Variants in PIK3CB observed in about 807,000 individuals in gnomAD.
The protein encoded by PIK3CB is phosphatidylinositol 4,5-bisphosphate 3-kinase catalytic subunit beta isoform.
A neutral mutation model predicts 136.8 loss-of-function variants in PIK3CB; 39 were observed. That is an observed-to-expected ratio of 0.29 (90% CI 0.22 to 0.37). The LOEUF (loss-of-function observed/expected upper bound fraction) is 0.37, where lower values mean the gene tolerates loss of function less well. Among genes scored for constraint, PIK3CB ranks in the 10% least tolerant of loss-of-function variants. The probability of loss-of-function intolerance (pLI) is 1.00; values close to 1 mark genes in which losing one functional copy is unlikely to be tolerated. For synonymous variants in PIK3CB, 428 were observed against 436.6 expected, an observed-to-expected ratio of 0.98 and a Z score of 0.25; for missense variants, 868 against 1,275.4, an observed-to-expected ratio of 0.68 and a Z score of 4.87.
chr3:138,737,102 G>A (rs749585678), intron 6 of PIK3CB, among the ~76,000 whole-genome samples: 4 of 151,806 alleles, frequency 2.6e-5, no homozygotes, highest in African/African-American at 4.8e-5. Context: ...CAAAACAGCC[G>A]AATGAGCCGG....
At chr3:138,791,401 T>C (rs186263799) in intron 2 of PIK3CB, among the ~76,000 whole-genome samples, 62 of 152,224 alleles carry the variant, frequency 4.1e-4, no homozygotes, top group African/African-American at 1.4e-3. Flanking sequence ...TCCCCAACTG[T>C]TGGGATTACA....
chr3:138,714,045 T>C (rs953320721), intron 9 of PIK3CB, among the ~76,000 whole-genome samples: 1 of 152,182 alleles, frequency 6.6e-6, no homozygotes, highest in Non-Finnish European at 1.5e-5. Flanking sequence ...CCACAAGATA[T>C]GTTGAGTCAG....
intron 5 of PIK3CB, among the ~76,000 whole-genome samples, chr3:138,738,805 G>A (rs1260587131): frequency 6.6e-6 from 1 of 152,054 alleles, no homozygotes; most frequent in East Asian, 1.9e-4. Flanking sequence ...CTGCTACTCT[G>A]AACAACTAAC....
intron 6 of PIK3CB, among the ~76,000 whole-genome samples, chr3:138,737,032 T>C (rs2045121861): frequency 1.3e-5 from 2 of 152,092 alleles, no homozygotes; most frequent in South Asian, 4.1e-4. Flanking sequence ...AAAGCAGCTA[T>C]AAGTGTTAAA....
intron 2 of PIK3CB, among the ~76,000 whole-genome samples, chr3:138,785,839 AAAG>A (rs2045976578): frequency 6.6e-6 from 1 of 152,080 alleles, no homozygotes; most frequent in African/African-American, 2.4e-5. Context: ...AAAAAAAAAA[AAAG>A]AAAATGCTTA....
chr3:138,671,393 T>A (rs1189603422), intron 19 of PIK3CB, among the ~76,000 whole-genome samples: 1 of 152,160 alleles, frequency 6.6e-6, no homozygotes, highest in Non-Finnish European at 1.5e-5. Context: ...ACAAAGTCGA[T>A]CACACGTCTA....
Position 138,691,014 on chromosome 3 carries a change from T to C in PIK3CB, c.2022A>G (p.Leu674=). The C allele has an allele frequency of 1.2e-6, 2 of 1,611,178 alleles. No homozygotes were observed. The highest frequency in any genetic ancestry group is 1.7e-6 in the Non-Finnish European group (2 of 1,179,064). ...ALGNRRIGQF[L]FWHLRSEVHI... ...AAAAGACTTACCTAAGATGCCAAAA[T>C]AGAAACTGCCCTATCCTCCGATTAC... is the stretch of plus-strand genomic sequence containing the variant. The change falls in exon 15 of 24, where the codon CTA becomes CTG. Residue 674 remains leucine, a synonymous_variant. Transcript: ENST00000674063.
intron 16 of PIK3CB, 65 bp from the exon 17 acceptor site, chr3:138,684,868 A>G (rs987748237): frequency 8.9e-7 from 1 of 1,123,356 alleles, no homozygotes; most frequent in Non-Finnish European, 1.3e-6. Context: ...TCATGTGATC[A>G]TATCAATCAA....
intron 1 of PIK3CB, among the ~76,000 whole-genome samples, chr3:138,826,844 G>A (rs998390569): frequency 1.3e-5 from 2 of 151,666 alleles, no homozygotes; most frequent in Non-Finnish European, 2.9e-5. Flanking sequence ...CAAGGCAGGC[G>A]GATCGCCTGA....
intron 19 of PIK3CB, among the ~76,000 whole-genome samples, chr3:138,679,535 G>A (rs992115892): frequency 6.6e-6 from 1 of 151,764 alleles, no homozygotes; most frequent in Non-Finnish European, 1.5e-5. Context: ...TATACTGTTT[G>A]ATATATTATG....
chr3:138,829,710 C>G (rs1413121850), intron 1 of PIK3CB, among the ~76,000 whole-genome samples: 1 of 152,076 alleles, frequency 6.6e-6, no homozygotes, highest in Non-Finnish European at 1.5e-5. Context: ...TCGCTTGAAC[C>G]CAGGAGGCGG....
Position 138,739,483 on chromosome 3 carries a change from C to A in PIK3CB, c.622-1597G>T, listed in dbSNP as rs2045191453. On this transcript the variant is annotated intron_variant, in intron 5 of 23. Transcript: ENST00000674063. ...TAAAATAAAATAAATAAAAAAGACC[C>A]CAGAGAGCTTCATCTCCTCTTCTGC... 3.3e-5 allele frequency among the ~76,000 whole-genome samples: 5 copies of A among 151,838 alleles called. No individual in the cohort carries two copies. The South Asian group carries it at 8.4e-4, about 25-fold the overall frequency.
chr3:138,826,414 G>A (rs551157047), intron 1 of PIK3CB: 192 of 1,161,820 alleles, frequency 1.7e-4, no homozygotes, highest in Middle Eastern at 1.2e-3. Flanking sequence ...CAGCCATTTA[G>A]GTTTAATAGT....
chr3:138,665,440 A>G (rs184118866), intron 19 of PIK3CB, among the ~76,000 whole-genome samples: 1 of 152,294 alleles, frequency 6.6e-6, no homozygotes, highest in East Asian at 1.9e-4. Context: ...TTTTTTGTCT[A>G]ATTATTCTGG....
chr3:138,689,361 G>T (rs905242118), intron 15 of PIK3CB, among the ~76,000 whole-genome samples: 2 of 152,176 alleles, frequency 1.3e-5, no homozygotes, highest in African/African-American at 2.4e-5. Flanking sequence ...TTTCTGGCTC[G>T]AATGTGGATG....
chr3:138,745,035 G>A (rs1444884048), intron 4 of PIK3CB, among the ~76,000 whole-genome samples: 1 of 152,200 alleles, frequency 6.6e-6, no homozygotes, highest in East Asian at 1.9e-4. Context: ...TCGGGACAGA[G>A]ATTTCTCCAA....
At chr3:138,738,641 T>C (rs573929713) in intron 5 of PIK3CB, among the ~76,000 whole-genome samples, 2 of 152,196 alleles carry the variant, frequency 1.3e-5, no homozygotes, top group Middle Eastern at 3.2e-3. Flanking sequence ...AAAATGAAGA[T>C]ATAGTTTGGA....
intron 1 of PIK3CB, among the ~76,000 whole-genome samples, chr3:138,816,595 AAAAT>A (rs4035076): frequency 0.96 from 139,967 of 146,448 alleles, 67,198 homozygotes; most frequent in South Asian, 1. Flanking sequence ...AGTTTGTCTC[AAAAT>A]AAATAAATAA....
At chr3:138,761,322 G>A (rs1488058118) in intron 2 of PIK3CB, among the ~76,000 whole-genome samples, 1 of 152,228 alleles carries the variant, frequency 6.6e-6, no homozygotes, top group African/African-American at 2.4e-5. Context: ...GCCAAGTAGA[G>A]AATGTGGCAT....
Sources: allele counts gnomAD v4.1 joint callset (sites outside exome capture counted in the v4.1 genomes callset), GRCh38; gene constraint gnomAD v4.1.1; transcripts MANE v1.5; gene names NCBI Gene and HGNC (gene_info 2026-07-23, HGNC 2026-07-21).